NOP2: variants seen among roughly 807,000 people sequenced by gnomAD.
The protein encoded by NOP2 is 28S rRNA (cytosine(4447)-C(5))-methyltransferase.
A neutral mutation model predicts 72.7 loss-of-function variants in NOP2; 7 were observed. That is an observed-to-expected ratio of 0.10 (90% CI 0.05 to 0.18). The LOEUF (loss-of-function observed/expected upper bound fraction) is 0.18, where lower values mean the gene tolerates loss of function less well. NOP2 is among the 10% of genes least tolerant of loss of function. The pLI, the probability that NOP2 is intolerant of heterozygous loss-of-function variation, is 1.00. For missense variants in NOP2, 954 were observed against 1,014.7 expected (o/e 0.94, Z 0.81); for synonymous variants, 387 against 388.0 (o/e 1.00, Z 0.03).
At chr12:6,566,397 G>T in intron 4 of NOP2, 61 bp from the exon 5 acceptor site, 1 of 1,516,522 alleles carries the variant, frequency 6.6e-7, no homozygotes, top group South Asian at 1.1e-5. Context: ...CCACACCCTG[G>T]GAGCCTGTAC....
At position 6,566,240 on chromosome 12, in the gene NOP2, T is replaced by C; in HGVS notation, c.335A>G (p.Asp112Gly). The change falls in exon 5 of 16, where the codon GAT becomes GGT. Residue 112 changes from aspartate (D) to glycine (G), a missense_variant. Physicochemically the swap from Asp to Gly is moderately conservative, Grantham distance 94. Coordinates refer to ENST00000322166, the MANE Select transcript of NOP2 (RefSeq NM_001258308.2). ...AGAGTCTTCCTCCTCCTCTTCCTCA[T>C]CACTGCCAGGTGCTGGGCGCTTCTT... is the stretch of plus-strand genomic sequence containing the variant. ...RGKKRPAPGS[D>G]EEEEEEDSEE... is the part of the protein sequence containing the mutation. 6.2e-7 allele frequency: 1 copy of C among 1,613,984 alleles called. No homozygotes were observed. The highest frequency in any genetic ancestry group is 1.1e-5 in the South Asian group (1 of 91,080).
chr12:6,566,487 A>G, intron 4 of NOP2, 42 bp downstream of exon 4: 1 of 1,588,534 alleles, frequency 6.3e-7, no homozygotes, highest in East Asian at 2.2e-5. Flanking sequence ...CCAGGACCCA[A>G]AGGGACTCCT....
Position 6,561,718 on chromosome 12 carries a change from G to A in NOP2, c.1153C>T (p.His385Tyr). ...CAACACATGTCCAGGATCCGCTCAT[G>A]TTCCTGGGGTGCCAAGGCCATGACG... The part of the protein sequence containing the change: ...LPVMALAPQE[H>Y]ERILDMCCAP... The change falls in exon 11 of 16, where the codon CAT (histidine) becomes TAT (tyrosine). Residue 385 changes from histidine to tyrosine, a missense_variant. Transcript: ENST00000322166. The A allele has an allele frequency of 6.2e-7, 1 of 1,613,656 alleles. No individual in the cohort carries two copies. Among genetic ancestry groups the A allele is most frequent in the Non-Finnish European group, 8.5e-7 (1 of 1,179,772 alleles).
At chr12:6,566,707 A>G in intron 3 of NOP2, 70 bp downstream of exon 3, 1 of 1,590,156 alleles carries the variant, frequency 6.3e-7, no homozygotes, top group South Asian at 1.1e-5. Context: ...GTGAGAGTCT[A>G]GAATTAACTC....
rs994028667 is a variant in NOP2 at position 6,557,551 on chromosome 12, C to T, written c.1881G>A (p.Lys627=). The change falls in exon 16 of 16, where the codon AAG becomes AAA. Residue 627 remains lysine, a synonymous_variant. Transcript: ENST00000322166. ...ENSSQPAKKA[K]GAAKTKQQLQ... ...GCTGCTGCTTTGTCTTTGCAGCCCCCTTGGCTTTCTTGGCTGGCTGGCTGC... is the reference window on the plus strand; with the variant it reads ...GCTGCTGCTTTGTCTTTGCAGCCCCTTTGGCTTTCTTGGCTGGCTGGCTGC... The T allele has an allele frequency of 3.1e-6, 5 of 1,613,788 alleles. No homozygotes were observed. Among genetic ancestry groups the T allele is most frequent in the African/African-American group, 2.7e-5 (2 of 74,884 alleles).
Position 6,561,793 on chromosome 12 carries a change from C to G in NOP2, c.1078G>C (p.Glu360Gln), listed in dbSNP as rs1480720212. ...DSSVPIGATP[E>Q]YLAGHYMLQG... ...AGCATGTAGTGCCCAGCCAGGTACT[C>G]GGGGGTAGCACCTGTGGAGAAGGAC... is the stretch of plus-strand genomic sequence containing the variant. The change falls in exon 11 of 16, where the codon GAG (glutamate) becomes CAG (glutamine). Residue 360 changes from glutamate (E) to glutamine (Q), a missense_variant. Physicochemically the swap from Glu to Gln is conservative, Grantham distance 29 (BLOSUM62 2). Coordinates refer to ENST00000322166, the MANE Select transcript of NOP2 (RefSeq NM_001258308.2). The G allele has an allele frequency of 1.2e-6, 2 of 1,609,638 alleles. No individual in the cohort carries two copies. Among genetic ancestry groups the G allele is most frequent in the African/African-American group, 1.3e-5 (1 of 74,894 alleles).
chr12:6,564,719 G>A (rs9737646), intron 5 of NOP2, among the ~76,000 whole-genome samples: 33,846 of 150,534 alleles, frequency 0.22, 5,075 homozygotes, highest in African/African-American at 0.43. Context: ...GTGAGCCACC[G>A]TGCCTGGCCC....
rs2534700 is a variant in NOP2 at position 6,557,152 on chromosome 12, C to A, written c.2280G>T (p.Leu760Phe). 6.2e-7 allele frequency: 1 copy of A among 1,613,888 alleles called. No individual in the cohort carries two copies. Among genetic ancestry groups the A allele is most frequent in the Non-Finnish European group, 8.5e-7 (1 of 1,179,896 alleles). The part of the protein sequence containing the change: ...GRAKGVEKQQ[L>F]PEQPFEKAAF... ...CAGCTTTCTCAAAAGGCTGCTCTGG[C>A]AACTGCTGCTTCTCAACCCCCTTGG... The change falls in exon 16 of 16, where the codon TTG becomes TTT. Residue 760 changes from leucine to phenylalanine, a missense_variant. Physicochemically the swap from Leu to Phe is conservative, Grantham distance 22. Transcript: ENST00000322166.
chr12:6,558,073 G>A (rs1288371294), intron 15 of NOP2: 1 of 367,670 alleles, frequency 2.7e-6, no homozygotes. Flanking sequence ...CCTGGAAGGT[G>A]GAGGTTGCAA....
In NOP2 at chr12:6,566,629, CA is replaced by C. The variant is rs1565592936; in HGVS notation, c.150-13del. Reference sequence around the variant, plus strand: ...TCCTCTTGGCTGCCCTGAAAAGACACAAGAGATTCAAGGAGTGAAGAAATGG... The same window carrying C: ...TCCTCTTGGCTGCCCTGAAAAGACACAGAGATTCAAGGAGTGAAGAAATGG... On this transcript the variant is annotated splice_polypyrimidine_tract_variant and intron_variant, in intron 3 of 15. Coordinates refer to ENST00000322166, the MANE Select transcript of NOP2 (RefSeq NM_001258308.2). 1.2e-6 allele frequency: 2 copies of C among 1,613,062 alleles called. No individual in the cohort carries two copies. Among genetic ancestry groups the C allele is most frequent in the South Asian group, 2.2e-5 (2 of 91,058 alleles).
intron 15 of NOP2, chr12:6,558,076 G>A (rs780083072): frequency 2.5e-5 from 9 of 364,636 alleles, no homozygotes; most frequent in South Asian, 1.7e-4. Flanking sequence ...GGAAGGTGGA[G>A]GTTGCAATGA....
chr12:6,566,698 T>A, intron 3 of NOP2, 79 bp downstream of exon 3: 1 of 1,583,926 alleles, frequency 6.3e-7, no homozygotes, highest in South Asian at 1.1e-5. Flanking sequence ...TAGGGAAATG[T>A]GAGAGTCTAG....
chr12:6,558,231 AC>A (rs990606996), intron 15 of NOP2: 5 of 324,214 alleles, frequency 1.5e-5, no homozygotes, highest in Non-Finnish European at 3.0e-5. Flanking sequence ...ACAGGAAGTA[AC>A]AAGATGCTGT....
chr12:6,562,651 A>C (rs770675696), intron 9 of NOP2, among the ~76,000 whole-genome samples: 7 of 152,170 alleles, frequency 4.6e-5, no homozygotes, highest in Non-Finnish European at 8.8e-5. Flanking sequence ...GGTTTTCTTC[A>C]CACCAGGAAA....
In NOP2 at chr12:6,560,177, G is replaced by A. The variant is rs902651728; in HGVS notation, c.1710C>T (p.Tyr570=). ...ACCCATCCATATTGTGGGTATGAGG[G>A]TAGAAGCGTCGGGTAGAACGCAGAC... ...HPSLRSTRRF[Y]PHTHNMDGFF... The change falls in exon 15 of 16, where the codon TAC becomes TAT. Residue 570 remains tyrosine (Y), a synonymous_variant. Coordinates refer to ENST00000322166, the MANE Select transcript of NOP2 (RefSeq NM_001258308.2). The surrounding 1 kb of genome is among the most constrained non-coding windows in gnomAD (Gnocchi z 5.0). 1.9e-5 allele frequency: 30 copies of A among 1,613,916 alleles called. No homozygotes were observed. The highest frequency in any genetic ancestry group is 2.4e-5 in the Non-Finnish European group (28 of 1,179,898).
intron 9 of NOP2, among the ~76,000 whole-genome samples, chr12:6,562,458 C>T (rs1046499987): frequency 6.6e-6 from 1 of 152,184 alleles, no homozygotes; most frequent in African/African-American, 2.4e-5. Context: ...CCACTCCATC[C>T]TATGGTGCCC....
At chr12:6,562,642 G>A (rs577072290) in intron 9 of NOP2, among the ~76,000 whole-genome samples, 9 of 152,114 alleles carry the variant, frequency 5.9e-5, no homozygotes, top group South Asian at 4.1e-4. Flanking sequence ...ACATTATTAG[G>A]TTTTCTTCAC....
chr12:6,564,504 T>C (rs536097082), intron 5 of NOP2, among the ~76,000 whole-genome samples: 1 of 151,372 alleles, frequency 6.6e-6, no homozygotes, highest in African/African-American at 2.4e-5. Context: ...CTTGGCTCAC[T>C]GCAACCTCCG....
In NOP2 at chr12:6,563,163, T is replaced by C; in HGVS notation, c.896A>G (p.Glu299Gly). The change falls in exon 9 of 16, where the codon GAG becomes GGG. Residue 299 changes from glutamate (E) to glycine (G), a missense_variant. This residue lies in a region of NOP2 where 498 missense variants were observed against 478.3 expected (regional missense o/e 1.04). Transcript: ENST00000322166. ...MDLFPLSELVEFLEANEVPRP... is the reference protein window; with the variant it reads ...MDLFPLSELVGFLEANEVPRP... Reference sequence around the variant, plus strand: ...AGGCACCTCATTAGCTTCTAAGAACTCCACCAGCTGCGGGGCAAGACAGCA... The same window carrying C: ...AGGCACCTCATTAGCTTCTAAGAACCCCACCAGCTGCGGGGCAAGACAGCA... 1 of 1,590,648 alleles carries C rather than the reference T, an allele frequency of 6.3e-7. No homozygotes were observed. Among genetic ancestry groups the C allele is most frequent in the Non-Finnish European group, 8.6e-7 (1 of 1,168,834 alleles).
Sources: gnomAD v4.1 joint callset for allele counts (sites outside exome capture counted in the v4.1 genomes callset) on GRCh38, gnomAD v4.1.1 for gene constraint, gnomAD v4.1.1 regional missense constraint, Gnocchi (gnomAD v3.1) non-coding constraint, MANE v1.5 for transcripts, NCBI Gene and HGNC (gene_info 2026-07-23, HGNC 2026-07-21) for gene names.